Variants in SVIL observed in about 807,000 individuals in gnomAD.
SVIL encodes the protein archvillin.
SVIL carries 101 observed loss-of-function variants against 240.4 expected under a neutral mutation model. That is an observed-to-expected ratio of 0.42 (90% CI 0.36 to 0.50). The LOEUF (loss-of-function observed/expected upper bound fraction) is 0.50. Ranked by LOEUF, SVIL falls within the 20% of genes least tolerant of loss-of-function variation. The probability of loss-of-function intolerance (pLI) is 0.01; values close to 1 mark genes in which losing one functional copy is unlikely to be tolerated. For missense variants in SVIL, 2,512 were observed against 2,818.7 expected, an observed-to-expected ratio of 0.89 and a Z score of 2.46; for synonymous variants, 999 against 1,100.0, an observed-to-expected ratio of 0.91 and a Z score of 1.82.
Position 29,631,302 on chromosome 10 carries a change from C to T in SVIL, c.-201+3118G>A, listed in dbSNP as rs1425563059. On this transcript the variant is annotated intron_variant, in intron 1 of 37. Transcript: ENST00000355867. ...TGGCTAGACCAGACGGAGGAGAAAC[C>T]GAGGGCCAAGGGATCCATTAAGGGC... 8.5e-5 allele frequency among the ~76,000 whole-genome samples: 13 copies of T among 152,302 alleles called. No individual in the cohort carries two copies. In the South Asian group the frequency reaches 1.0e-3, roughly 12 times the overall value.
intron 1 of SVIL, among the ~76,000 whole-genome samples, chr10:29,704,087 G>C (rs1480286591): frequency 2.6e-5 from 4 of 152,140 alleles, no homozygotes; most frequent in Non-Finnish European, 5.9e-5. Flanking sequence ...ACAGGCATGA[G>C]CCACTGTGCC....
chr10:29,481,834 C>G (rs1946889992), intron 27 of SVIL, 106 bp from the exon 28 acceptor site: 1 of 1,013,000 alleles, frequency 9.9e-7, no homozygotes, highest in Admixed American at 2.3e-5. Flanking sequence ...GAAAAAACCT[C>G]AAAGTACGTG....
chr10:29,609,375 T>G (rs1166359123), intron 1 of SVIL, among the ~76,000 whole-genome samples: 1 of 152,070 alleles, frequency 6.6e-6, no homozygotes, highest in Non-Finnish European at 1.5e-5. Flanking sequence ...TGGTGCTGAG[T>G]GGCCACCCCA....
At chr10:29,500,026 G>T (rs1226068807) in intron 17 of SVIL, among the ~76,000 whole-genome samples, 1 of 152,174 alleles carries the variant, frequency 6.6e-6, no homozygotes, top group Non-Finnish European at 1.5e-5. Context: ...TGCGGTTGGG[G>T]ATGTGGCAGG....
intron 1 of SVIL, among the ~76,000 whole-genome samples, chr10:29,626,463 A>G (rs1300122363): frequency 6.6e-6 from 1 of 152,196 alleles, no homozygotes; most frequent in Admixed American, 6.5e-5. Flanking sequence ...TTGAGAATAA[A>G]TGAATACCTG....
At chr10:29,614,110 AC>A (rs1957349309) in intron 1 of SVIL, among the ~76,000 whole-genome samples, 3 of 152,250 alleles carry the variant, frequency 2.0e-5, no homozygotes, top group Admixed American at 2.0e-4. Context: ...CCACAACAGA[AC>A]CTTTTAAAGC....
intron 2 of SVIL, among the ~76,000 whole-genome samples, chr10:29,664,167 T>C (rs1403943528): frequency 6.6e-6 from 1 of 152,188 alleles, no homozygotes; most frequent in East Asian, 1.9e-4. Flanking sequence ...TTCAAGGATA[T>C]GGTATTAACC....
chr10:29,469,406 G>T (rs573307263), intron 32 of SVIL, among the ~76,000 whole-genome samples: 3 of 152,316 alleles, frequency 2.0e-5, no homozygotes, highest in East Asian at 1.9e-4. Context: ...AGAGAATGGG[G>T]TTCACCAAAT....
intron 29 of SVIL, among the ~76,000 whole-genome samples, chr10:29,474,516 G>T (rs950464051): frequency 6.6e-6 from 1 of 151,948 alleles, no homozygotes; most frequent in African/African-American, 2.4e-5. Context: ...GATCACTTGA[G>T]CCCAGGAGTT....
intron 28 of SVIL, 32 bp downstream of exon 28, chr10:29,481,552 C>T: frequency 1.2e-6 from 2 of 1,611,898 alleles, no homozygotes; most frequent in Non-Finnish European, 1.7e-6. Flanking sequence ...CCGAACCAAG[C>T]CCCGAGTTTT....
At chr10:29,581,515 A>G (rs747933259) in intron 1 of SVIL, among the ~76,000 whole-genome samples, 1 of 152,268 alleles carries the variant, frequency 6.6e-6, no homozygotes, top group Non-Finnish European at 1.5e-5. Flanking sequence ...AGTACGTTCA[A>G]TAAGAAATGT....
intron 2 of SVIL, among the ~76,000 whole-genome samples, chr10:29,677,531 C>T (rs1960290733): frequency 6.6e-6 from 1 of 152,154 alleles, no homozygotes. Context: ...CCACGTAATC[C>T]TCCTGCCTCA....
At chr10:29,598,301 C>G (rs913642449) in intron 1 of SVIL, among the ~76,000 whole-genome samples, 1 of 151,980 alleles carries the variant, frequency 6.6e-6, no homozygotes, top group African/African-American at 2.4e-5. Flanking sequence ...GATGGTTGCA[C>G]GACAATGTGG....
chr10:29,661,132 A>C (rs1460192883), intron 2 of SVIL, among the ~76,000 whole-genome samples: 2 of 150,484 alleles, frequency 1.3e-5, no homozygotes, highest in Admixed American at 1.3e-4. Flanking sequence ...GCGCCACTGC[A>C]CTCTAGCTTG....
At chr10:29,669,214 G>C (rs1251124292) in intron 2 of SVIL, among the ~76,000 whole-genome samples, 4 of 152,168 alleles carry the variant, frequency 2.6e-5, no homozygotes, top group Non-Finnish European at 1.5e-5. Flanking sequence ...AGAAGAATTG[G>C]GGAAGAAGGC....
chr10:29,644,654 G>A (rs1176577897), intron 3 of SVIL, among the ~76,000 whole-genome samples: 1 of 152,120 alleles, frequency 6.6e-6, no homozygotes, highest in Non-Finnish European at 1.5e-5. Context: ...CTGGGCGGCA[G>A]AGCAAGATTC....
intron 1 of SVIL, among the ~76,000 whole-genome samples, chr10:29,720,022 A>G (rs946867221): frequency 6.6e-6 from 1 of 152,212 alleles, no homozygotes; most frequent in Non-Finnish European, 1.5e-5. Context: ...CACATTGCAA[A>G]TTGCTTAAAA....
rs370624209 is a variant in SVIL, at chr10:29,458,215, G to A, written c.*32C>T. ...CCCTGGTGCAGTGGTGTTGTTGGAC[G>A]TGACCGTGAGGCTCCTCTGGCGTCT... is the stretch of plus-strand genomic sequence containing the variant. On this transcript the variant is annotated 3_prime_UTR_variant, in exon 38 of 38. Transcript: ENST00000355867. 57 of 1,605,402 alleles carry A rather than the reference G, an allele frequency of 3.6e-5. No individual in the cohort carries two copies. The highest frequency in any genetic ancestry group is 1.7e-4 in the Middle Eastern group (1 of 5,930).
chr10:29,660,532 T>C (rs1959126706), intron 2 of SVIL, among the ~76,000 whole-genome samples: 1 of 151,200 alleles, frequency 6.6e-6, no homozygotes, highest in South Asian at 2.1e-4. Flanking sequence ...CGCTTGAGCC[T>C]GGGAGGTGGA....
Sources: allele counts gnomAD v4.1 joint callset (sites outside exome capture counted in the v4.1 genomes callset), GRCh38; gene constraint gnomAD v4.1.1; transcripts MANE v1.5; gene names NCBI Gene and HGNC (gene_info 2026-07-23, HGNC 2026-07-21).